C13orf42: variants seen among roughly 807,000 people sequenced by gnomAD.
C13orf42 encodes the protein chromosome 13 open reading frame 42.
intron 1 of C13orf42, among the ~76,000 whole-genome samples, chr13:51,100,582 G>A (rs930425159): frequency 2.0e-5 from 3 of 152,022 alleles, no homozygotes; most frequent in African/African-American, 7.2e-5. Context: ...CTTTGCAAAG[G>A]TCATTATGCA....
intron 1 of C13orf42, among the ~76,000 whole-genome samples, chr13:51,138,066 T>C (rs2138027607): frequency 2.0e-5 from 3 of 152,332 alleles, no homozygotes. Flanking sequence ...CTCCTTTCCA[T>C]GCTACTTTCT....
At chr13:51,118,300 T>C (rs1953507856) in intron 1 of C13orf42, among the ~76,000 whole-genome samples, 2 of 152,158 alleles carry the variant, frequency 1.3e-5, no homozygotes, top group South Asian at 2.1e-4. Flanking sequence ...AAGATCAAAG[T>C]CTTCCTATTT....
At chr13:51,111,630 TTGA>T (rs1350461981), upstream of C13orf42, among the ~76,000 whole-genome samples, 1 of 152,186 alleles carries the variant, frequency 6.6e-6, no homozygotes, top group Non-Finnish European at 1.5e-5. Flanking sequence ...TCAGTTTGAG[TTGA>T]TCTTGGTGTG....
intron 1 of C13orf42, among the ~76,000 whole-genome samples, chr13:51,171,677 C>G (rs574300739): frequency 3.9e-5 from 6 of 152,110 alleles, no homozygotes; most frequent in African/African-American, 4.8e-5. Flanking sequence ...AGCCCTCCCC[C>G]ACCTGCCCAG....
At chr13:51,154,832 G>C (rs956234540) in intron 1 of C13orf42, among the ~76,000 whole-genome samples, 1 of 152,140 alleles carries the variant, frequency 6.6e-6, no homozygotes, top group South Asian at 2.1e-4. Flanking sequence ...TTGCACATTC[G>C]ACGGTTTCTT....
chr13:51,109,167 G>A (rs563094632), intron 1 of C13orf42, among the ~76,000 whole-genome samples: 3 of 152,216 alleles, frequency 2.0e-5, no homozygotes, highest in East Asian at 3.9e-4. Context: ...TTTTTTATGG[G>A]CCCCCAACAC....
chr13:51,100,407 T>C (rs1470527820), intron 1 of C13orf42, among the ~76,000 whole-genome samples: 1 of 152,076 alleles, frequency 6.6e-6, no homozygotes, highest in Admixed American at 6.6e-5. Flanking sequence ...GCTAATATCC[T>C]CAAAAATCCC....
upstream of C13orf42, among the ~76,000 whole-genome samples, chr13:51,114,614 T>TGATAGATAGATAGATA (rs36090660): frequency 9.5e-5 from 13 of 136,626 alleles, no homozygotes; most frequent in Admixed American, 3.7e-4. Context: ...TACAGATAGA[T>TGATAGATAGATAGATA]GATAGATAGA....
chr13:51,111,343 C>T (rs9568517), upstream of C13orf42: 36,081 of 396,938 alleles, frequency 0.091, 2,157 homozygotes, highest in African/African-American at 0.2. Flanking sequence ...TCTAGGATCC[C>T]AGGGAGCACC....
At chr13:51,109,703 A>G (rs2138002054) in intron 1 of C13orf42, among the ~76,000 whole-genome samples, 1 of 152,232 alleles carries the variant, frequency 6.6e-6, no homozygotes, top group South Asian at 2.1e-4. Flanking sequence ...GCAGTGAGCT[A>G]TGATCATGCC....
chr13:51,134,781 G>T (rs1164445800), intron 1 of C13orf42, among the ~76,000 whole-genome samples: 2 of 152,178 alleles, frequency 1.3e-5, no homozygotes, highest in African/African-American at 4.8e-5. Flanking sequence ...GAGGGAAGGG[G>T]TCTTTTGTGG....
At chr13:51,097,755 T>A (rs1447775306) in intron 1 of C13orf42, among the ~76,000 whole-genome samples, 1 of 152,196 alleles carries the variant, frequency 6.6e-6, no homozygotes, top group African/African-American at 2.4e-5. Flanking sequence ...TTGATTTTTT[T>A]TTTTTTCCTA....
intron 1 of C13orf42, among the ~76,000 whole-genome samples, chr13:51,158,002 A>AG (rs1312290345): frequency 5.3e-5 from 8 of 152,156 alleles, no homozygotes; most frequent in Non-Finnish European, 1.2e-4. Flanking sequence ...TTTTTAAAAA[A>AG]CAAACAAACA....
chr13:51,143,146 C>G (rs527964819), intron 1 of C13orf42, among the ~76,000 whole-genome samples: 36 of 152,246 alleles, frequency 2.4e-4, no homozygotes, highest in African/African-American at 8.4e-4. Context: ...GACACCAAGT[C>G]CTGCTAAATC....
At chr13:51,114,651 T>TAGATAGATAGAGAG (rs1555266732), upstream of C13orf42, among the ~76,000 whole-genome samples, 3 of 142,378 alleles carry the variant, frequency 2.1e-5, no homozygotes, top group South Asian at 2.2e-4. Flanking sequence ...TAGATAGAGA[T>TAGATAGATAGAGAG]AGACAGACAG....
chr13:51,111,774 C>T (rs1300744378), upstream of C13orf42, among the ~76,000 whole-genome samples: 8 of 152,142 alleles, frequency 5.3e-5, no homozygotes, highest in Admixed American at 5.2e-4. Flanking sequence ...TCTAGTCCCC[C>T]GAGATGGGCC....
intron 1 of C13orf42, among the ~76,000 whole-genome samples, chr13:51,129,100 G>A (rs1953596458): frequency 6.6e-6 from 1 of 152,196 alleles, no homozygotes; most frequent in South Asian, 2.1e-4. Context: ...TTATCCGCAA[G>A]TGTCTTTACT....
chr13:51,167,240 AAC>A lies in C13orf42; in HGVS notation n.136+5011_136+5012del, dbSNP rs112916028. Among the ~76,000 whole-genome samples, 731 of 152,022 alleles carry A rather than the reference AAC, an allele frequency of 4.8e-3. 4 individuals carry two copies. Among genetic ancestry groups the A allele is most frequent in the Middle Eastern group, 0.024 (7 of 292 alleles). ...CTCCAAAGGAAGCACAAACACATAC[AAC>A]ACACACACACACTCAAACACTCTCT... On this transcript the variant is annotated intron_variant and non_coding_transcript_variant, in intron 1 of 4. Coordinates refer to the C13orf42 transcript ENST00000433280.
At chr13:51,095,693 C>A (rs1233630832) in intron 1 of C13orf42, among the ~76,000 whole-genome samples, 6 of 152,046 alleles carry the variant, frequency 3.9e-5, no homozygotes, top group Non-Finnish European at 8.8e-5. Context: ...CATTTCCGGT[C>A]TTTTCATTTG....
Sources: gnomAD v4.1 joint callset for allele counts (sites outside exome capture counted in the v4.1 genomes callset) on GRCh38, gnomAD v4.1.1 for gene constraint, MANE v1.5 for transcripts, NCBI Gene and HGNC (gene_info 2026-07-23, HGNC 2026-07-21) for gene names.